The following EDF1 variants were observed in gnomAD, a reference collection of about 807,000 sequenced individuals.
EDF1 encodes endothelial differentiation-related factor 1.
In EDF1, 5 loss-of-function variants were observed where a neutral mutation model predicts 20.8. The ratio of observed to expected loss-of-function variants is 0.24; its 90% CI spans 0.13 to 0.51. EDF1 has a LOEUF of 0.51. Among genes scored for constraint, EDF1 ranks in the 20% least tolerant of loss-of-function variants. EDF1 has a pLI of 0.97. For synonymous variants in EDF1, 96 were observed against 78.5 expected (o/e 1.22, Z -1.18); for missense variants, 137 against 197.8 (o/e 0.69, Z 1.84).
rs761979513 is a variant in EDF1, at chr9:136,862,957, C to T, written c.334G>A (p.Gly112Arg). Residue 112 changes from glycine to arginine, a missense_variant, in exon 4 of 5, where the codon GGA becomes AGA. Physicochemically the swap from Gly to Arg is moderately radical, Grantham distance 125. Transcript: ENST00000224073. This position sits in a 1 kb window ranked among gnomAD's most constrained non-coding sequence, Gnocchi z 4.1. ...KPQVIADYES[G>R]RAIPNNQVLG... is the part of the protein sequence containing the mutation. ...ACCTGGTTATTGGGTATGGCCCGTC[C>T]GCTCTCATAGTCCGCGATCACCTGT... The T allele has an allele frequency of 4.3e-6, 7 of 1,613,864 alleles. No homozygotes were observed. The highest frequency in any genetic ancestry group is 3.3e-5 in the Admixed American group (2 of 60,012).
At chr9:136,864,994 G>A (rs1169546945) in intron 1 of EDF1, among the ~76,000 whole-genome samples, 1 of 152,150 alleles carries the variant, frequency 6.6e-6, no homozygotes, top group Non-Finnish European at 1.5e-5. Context: ...ATGCTGCCAC[G>A]CAATTATTCC....
At position 136,863,245 on chromosome 9, in the gene EDF1, C is replaced by G. The variant is rs1222396407; in HGVS notation, c.291+43G>C. On this transcript the variant is annotated intron_variant, in intron 3 of 4. Coordinates refer to ENST00000224073, the MANE Select transcript of EDF1 (RefSeq NM_003792.4). The surrounding 1 kb of genome is among the most constrained non-coding windows in gnomAD (Gnocchi z 4.5). ...TCTGAACACCGGCCATCCCCCTCCC[C>G]AAACCCACAACCCCAGGAGTGAGAG... is the stretch of plus-strand genomic sequence containing the variant. 3 of 1,592,384 alleles carry G rather than the reference C, an allele frequency of 1.9e-6. No homozygotes were observed. The highest frequency in any genetic ancestry group is 2.6e-6 in the Non-Finnish European group (3 of 1,169,854).
In EDF1 at chr9:136,863,369, A is replaced by G. The variant is rs760659537; in HGVS notation, c.210T>C (p.His70=). 6.2e-6 allele frequency: 10 copies of G among 1,613,982 alleles called. No individual in the cohort carries two copies. In the Admixed American group the frequency reaches 1.3e-4, roughly 22 times the overall value. The stretch of plus-strand genomic sequence containing the variant: ...TGCCCACCTCCAGGGTCACCCTGTC[A>G]TGGTGCAGCTCCTCTGTCTCCCGGT... ...KLDRETEELH[H]DRVTLEVGKV... Residue 70 remains histidine (H), a synonymous_variant, in exon 3 of 5, where the codon CAT becomes CAC. Transcript: ENST00000224073. The surrounding 1 kb of genome is among the most constrained non-coding windows in gnomAD (Gnocchi z 4.5).
chr9:136,865,672 C>G (rs1292881213), intron 1 of EDF1, among the ~76,000 whole-genome samples: 2 of 151,724 alleles, frequency 1.3e-5, no homozygotes, highest in Non-Finnish European at 2.9e-5. Context: ...CTTCCAAGCC[C>G]TGTCCCCATC....
At position 136,863,396 on chromosome 9, in the gene EDF1, C is replaced by T. The variant is rs35434045; in HGVS notation, c.183G>A (p.Leu61=). Residue 61 remains leucine (L), a synonymous_variant, in exon 3 of 5, where the codon CTG becomes CTA. Coordinates refer to ENST00000224073, the MANE Select transcript of EDF1 (RefSeq NM_003792.4). The surrounding 1 kb of genome is among the most constrained non-coding windows in gnomAD (Gnocchi z 4.5). ...GGTGCAGCTCCTCTGTCTCCCGGTC[C>T]AGCTTGGCCGTGTTCTTGGTAATAG... ...QHSITKNTAK[L]DRETEELHHD... 2.0e-4 allele frequency: 326 copies of T among 1,614,164 alleles called. 1 individual carries two copies. The African/African-American group carries it at 3.9e-3, about 19-fold the overall frequency.
In EDF1 at chr9:136,863,836, C is replaced by T. The variant is rs1323090095; in HGVS notation, c.114G>A (p.Val38=). 6.2e-7 allele frequency: 1 copy of T among 1,613,944 alleles called. No individual in the cohort carries two copies. The highest frequency in any genetic ancestry group is 8.5e-7 in the Non-Finnish European group (1 of 1,180,002). The change falls in exon 2 of 5, where the codon GTG becomes GTA. Residue 38 remains valine, a synonymous_variant. Coordinates refer to ENST00000224073, the MANE Select transcript of EDF1 (RefSeq NM_003792.4). This position sits in a 1 kb window ranked among gnomAD's most constrained non-coding sequence, Gnocchi z 4.5. ...ILAAQRRGED[V]ETSKKWAAGQ... ...AGTACCTACATTTCTTGGAAGTCTC[C>T]ACATCTTCTCCTCGTCTCTGTGCCG...
chr9:136,866,083 C>T, intron 1 of EDF1, 98 bp downstream of exon 1: 1 of 1,281,690 alleles, frequency 7.8e-7, no homozygotes, highest in Non-Finnish European at 1.0e-6. Context: ...CTGTCCCAGG[C>T]CCCGCCTGCC....
In EDF1 at chr9:136,862,393, C is replaced by T; in HGVS notation, c.386-48G>A. On this transcript the variant is annotated intron_variant, in intron 4 of 4. Coordinates refer to ENST00000224073, the MANE Select transcript of EDF1 (RefSeq NM_003792.4). This position sits in a 1 kb window ranked among gnomAD's most constrained non-coding sequence, Gnocchi z 4.1. ...GCCACTGCAGCACCAGCTCCCTCCT[C>T]CCCCCAACGCTGCCCCTCTTCAACA... 6.2e-7 allele frequency: 1 copy of T among 1,613,918 alleles called. No individual in the cohort carries two copies. Among genetic ancestry groups the T allele is most frequent in the Non-Finnish European group, 8.5e-7 (1 of 1,179,974 alleles).
intron 1 of EDF1, among the ~76,000 whole-genome samples, chr9:136,865,335 G>A (rs906073962): frequency 7.2e-5 from 11 of 152,038 alleles, no homozygotes; most frequent in African/African-American, 2.4e-4. Flanking sequence ...ACCTGCTCAT[G>A]GGGTCCCCTG....
chr9:136,863,016 C>T lies in EDF1; in HGVS notation c.292-17G>A. 1 of 1,612,874 alleles carries T rather than the reference C, an allele frequency of 6.2e-7. No individual in the cohort carries two copies. Among genetic ancestry groups the T allele is most frequent in the Non-Finnish European group, 8.5e-7 (1 of 1,179,394 alleles). The stretch of plus-strand genomic sequence containing the variant: ...ATTGATTTTCTAAAGAGAAGATGTG[C>T]TTTATACACATCAGCTCCACTAGGA... On this transcript the variant is annotated splice_polypyrimidine_tract_variant and intron_variant, in intron 3 of 4. Transcript: ENST00000224073. This position sits in a 1 kb window ranked among gnomAD's most constrained non-coding sequence, Gnocchi z 4.5.
In EDF1 at chr9:136,863,417, A is replaced by G; in HGVS notation, c.162T>C (p.Ile54=). 1 of 1,614,074 alleles carries G rather than the reference A, an allele frequency of 6.2e-7. No individual in the cohort carries two copies. The change falls in exon 3 of 5, where the codon ATT becomes ATC. Residue 54 remains isoleucine, a synonymous_variant. Transcript: ENST00000224073. This position sits in a 1 kb window ranked among gnomAD's most constrained non-coding sequence, Gnocchi z 4.5. Reference sequence around the variant, plus strand: ...GGTCCAGCTTGGCCGTGTTCTTGGTAATAGAATGTTGTTTGTTCTGGCCAG... The same window carrying G: ...GGTCCAGCTTGGCCGTGTTCTTGGTGATAGAATGTTGTTTGTTCTGGCCAG... ...WAAGQNKQHS[I]TKNTAKLDRE...
Position 136,863,017 on chromosome 9 carries a change from T to A in EDF1, c.292-18A>T. 1 of 1,612,748 alleles carries A rather than the reference T, an allele frequency of 6.2e-7. No individual in the cohort carries two copies. The highest frequency in any genetic ancestry group is 2.2e-5 in the East Asian group (1 of 44,892). On this transcript the variant is annotated intron_variant, in intron 3 of 4. Transcript: ENST00000224073. The surrounding 1 kb of genome is among the most constrained non-coding windows in gnomAD (Gnocchi z 4.5). ...TTGATTTTCTAAAGAGAAGATGTGCTTTATACACATCAGCTCCACTAGGAC... is the reference window on the plus strand; with the variant it reads ...TTGATTTTCTAAAGAGAAGATGTGCATTATACACATCAGCTCCACTAGGAC...
chr9:136,863,576 C>T lies in EDF1; in HGVS notation c.131-128G>A. On this transcript the variant is annotated intron_variant, in intron 2 of 4. Coordinates refer to ENST00000224073, the MANE Select transcript of EDF1 (RefSeq NM_003792.4). The surrounding 1 kb of genome is among the most constrained non-coding windows in gnomAD (Gnocchi z 4.5). Reference sequence around the variant, plus strand: ...AGGGGACATGGGAACCCAGGCTGTCCCAAGTTCACACACCTCAGGTCGTGG... The same window carrying T: ...AGGGGACATGGGAACCCAGGCTGTCTCAAGTTCACACACCTCAGGTCGTGG... The T allele has an allele frequency of 7.8e-7, 1 of 1,278,274 alleles. No homozygotes were observed. The allele number at this position is 1,278,274 out of a possible 1,614,324, so 79.2% of individuals were successfully genotyped here. A position where few individuals can be genotyped will look rare whatever the true frequency, so the allele number is the denominator to read the frequency against.
In EDF1 at chr9:136,863,092, G is replaced by T; in HGVS notation, c.292-93C>A. The stretch of plus-strand genomic sequence containing the variant: ...TCGCCTGAGAACAGCAGCTTCTAGG[G>T]CCCCTGGGGTACGCACCCACACGCA... On this transcript the variant is annotated intron_variant, in intron 3 of 4. Coordinates refer to ENST00000224073, the MANE Select transcript of EDF1 (RefSeq NM_003792.4). The surrounding 1 kb of genome is among the most constrained non-coding windows in gnomAD (Gnocchi z 4.5). The T allele has an allele frequency of 6.4e-7, 1 of 1,561,470 alleles. No homozygotes were observed. The highest frequency in any genetic ancestry group is 1.1e-5 in the South Asian group (1 of 89,904).
In EDF1 at chr9:136,862,701, A is replaced by C; in HGVS notation, c.385+205T>G. 6.6e-7 allele frequency: 1 copy of C among 1,508,188 alleles called. No homozygotes were observed. 93.4% of individuals were successfully genotyped at this position (1,508,188 alleles called of 1,614,324 possible). A position where few individuals can be genotyped will look rare whatever the true frequency, so the allele number is the denominator to read the frequency against. ...GGCAAGGGGAAGGGACTCGGACTCCACTTGCTCTTAGGGGTTTCCTGAGGC... is the reference window on the plus strand; with the variant it reads ...GGCAAGGGGAAGGGACTCGGACTCCCCTTGCTCTTAGGGGTTTCCTGAGGC... On this transcript the variant is annotated intron_variant, in intron 4 of 4. Transcript: ENST00000224073. The surrounding 1 kb of genome is among the most constrained non-coding windows in gnomAD (Gnocchi z 4.1).
Position 136,863,930 on chromosome 9 carries a change from C to A in EDF1, c.79-59G>T. Reference sequence around the variant, plus strand: ...TAGCTTTGACAGTATCCAGCACACACCAATTCAGGCCTGCTGTTAGCCAGT... The same window carrying A: ...TAGCTTTGACAGTATCCAGCACACAACAATTCAGGCCTGCTGTTAGCCAGT... On this transcript the variant is annotated intron_variant, in intron 1 of 4. Transcript: ENST00000224073. This position sits in a 1 kb window ranked among gnomAD's most constrained non-coding sequence, Gnocchi z 4.5. 1.3e-6 allele frequency: 2 copies of A among 1,573,532 alleles called. No homozygotes were observed. The highest frequency in any genetic ancestry group is 1.1e-5 in the South Asian group (1 of 90,126).
chr9:136,863,612 T>A lies in EDF1; in HGVS notation c.131-164A>T, dbSNP rs900174410. On this transcript the variant is annotated intron_variant, in intron 2 of 4. Coordinates refer to ENST00000224073, the MANE Select transcript of EDF1 (RefSeq NM_003792.4). The surrounding 1 kb of genome is among the most constrained non-coding windows in gnomAD (Gnocchi z 4.5). ...CACCTCAGGTCGTGGACTTCCAGAG[T>A]TTTCTCTCAGTTATGAGGACAGGCA... Among the ~76,000 whole-genome samples, 12 of 151,042 alleles carry A rather than the reference T, an allele frequency of 7.9e-5. 1 individual carries two copies. The highest frequency in any genetic ancestry group is 1.8e-4 in the Non-Finnish European group (12 of 67,722).
intron 1 of EDF1, among the ~76,000 whole-genome samples, chr9:136,865,459 G>A (rs1388641386): frequency 1.3e-5 from 2 of 151,908 alleles, no homozygotes; most frequent in African/African-American, 2.4e-5. Flanking sequence ...AACTCTCAGG[G>A]AGGAGCCTAC....
At position 136,862,375 on chromosome 9, in the gene EDF1, C is replaced by G. The variant is rs1215010845; in HGVS notation, c.386-30G>C. 1 of 1,614,042 alleles carries G rather than the reference C, an allele frequency of 6.2e-7. No homozygotes were observed. Among genetic ancestry groups the G allele is most frequent in the Admixed American group, 1.7e-5 (1 of 60,012 alleles). ...AATGAGCCACAGCCACTGGCCACTG[C>G]AGCACCAGCTCCCTCCTCCCCCCAA... On this transcript the variant is annotated intron_variant, in intron 4 of 4. Transcript: ENST00000224073. The surrounding 1 kb of genome is among the most constrained non-coding windows in gnomAD (Gnocchi z 4.1).
Sources: gnomAD v4.1 joint callset for allele counts (sites outside exome capture counted in the v4.1 genomes callset) on GRCh38, gnomAD v4.1.1 for gene constraint, Gnocchi (gnomAD v3.1) non-coding constraint, MANE v1.5 for transcripts, NCBI Gene and HGNC (gene_info 2026-07-23, HGNC 2026-07-21) for gene names.